TMEM63C: variants seen among roughly 807,000 people sequenced by gnomAD.
TMEM63C encodes osmosensitive cation channel TMEM63C.
A neutral mutation model predicts 99.2 loss-of-function variants in TMEM63C; 32 were observed. That is an observed-to-expected ratio of 0.32 (90% CI 0.24 to 0.43). TMEM63C has a LOEUF of 0.43. TMEM63C is among the 20% of genes least tolerant of loss of function. The probability of loss-of-function intolerance (pLI) is 1.00; values close to 1 mark genes in which losing one functional copy is unlikely to be tolerated. For synonymous variants in TMEM63C, 376 were observed against 397.9 expected (o/e 0.94, Z 0.66); for missense variants, 826 against 1,053.0 (o/e 0.78, Z 2.98).
intron 21 of TMEM63C, 51 bp downstream of exon 21, chr14:77,249,509 T>A: frequency 6.3e-7 from 1 of 1,592,488 alleles, no homozygotes; most frequent in Non-Finnish European, 8.6e-7. Flanking sequence ...CCCACTGTTC[T>A]GTGAGTCCCT....
Position 77,188,670 on chromosome 14 carries a change from C to T in TMEM63C, c.-77+6776C>T, listed in dbSNP as rs188868324. 6.4e-3 allele frequency among the ~76,000 whole-genome samples: 979 copies of T among 151,974 alleles called. 17 individuals are homozygous for T. The highest frequency in any genetic ancestry group is 0.026 in the Admixed American group (390 of 15,262). On this transcript the variant is annotated intron_variant, in intron 1 of 23. Transcript: ENST00000298351. ...ATTGCTTGAGCCCAGGAGTTTAAGACCAGCCTGGGCAACATAGCAAGACCC... is the reference window on the plus strand; with the variant it reads ...ATTGCTTGAGCCCAGGAGTTTAAGATCAGCCTGGGCAACATAGCAAGACCC...
At chr14:77,225,395 T>A (rs1395282159) in intron 5 of TMEM63C, 29 bp from the exon 6 acceptor site, 1 of 1,611,688 alleles carries the variant, frequency 6.2e-7, no homozygotes, top group Admixed American at 1.7e-5. Context: ...GACCTGGGTT[T>A]TCTCACAGTT....
intron 18 of TMEM63C, among the ~76,000 whole-genome samples, chr14:77,248,111 T>C (rs1397929507): frequency 2.6e-5 from 4 of 152,176 alleles, no homozygotes; most frequent in Admixed American, 2.6e-4. Flanking sequence ...CTTTATGTGG[T>C]CCCTGCCCCT....
chr14:77,236,831 A>G, intron 9 of TMEM63C, 99 bp downstream of exon 9: 2 of 815,218 alleles, frequency 2.5e-6, no homozygotes. Flanking sequence ...CAGAGGGTCC[A>G]GGGAGACTGT....
intron 1 of TMEM63C, among the ~76,000 whole-genome samples, chr14:77,198,456 G>T (rs1888245658): frequency 6.6e-6 from 1 of 152,250 alleles, no homozygotes; most frequent in African/African-American, 2.4e-5. Context: ...TCCCGTCTGT[G>T]AAATGCGGAG....
chr14:77,251,928 T>C (rs1161364328), intron 22 of TMEM63C, 30 bp downstream of exon 22: 2 of 1,545,448 alleles, frequency 1.3e-6, no homozygotes, highest in East Asian at 4.5e-5. Context: ...CTCCTCCTGG[T>C]TCTCTTGGTC....
At chr14:77,227,612 A>G (rs575487524) in intron 6 of TMEM63C, among the ~76,000 whole-genome samples, 5 of 152,330 alleles carry the variant, frequency 3.3e-5, no homozygotes, top group Admixed American at 1.3e-4. Context: ...TAAGACCAGA[A>G]GCGGCCCAAG....
chr14:77,231,257 G>A (rs1344457514), intron 6 of TMEM63C, among the ~76,000 whole-genome samples: 1 of 152,140 alleles, frequency 6.6e-6, no homozygotes, highest in African/African-American at 2.4e-5. Flanking sequence ...CTGCACCATA[G>A]CAACCACTCA....
intron 1 of TMEM63C, among the ~76,000 whole-genome samples, chr14:77,209,037 C>T (rs916188487): frequency 4.6e-5 from 7 of 152,090 alleles, no homozygotes; most frequent in Admixed American, 2.6e-4. Context: ...GGGGACCTCT[C>T]GGGGAAGGCT....
In TMEM63C at chr14:77,236,681, C is replaced by T; in HGVS notation, c.600C>T (p.Phe200=). 6.2e-7 allele frequency: 1 copy of T among 1,612,906 alleles called. No individual in the cohort carries two copies. Among genetic ancestry groups the T allele is most frequent in the Non-Finnish European group, 8.5e-7 (1 of 1,179,390 alleles). Residue 200 remains phenylalanine (F), a synonymous_variant, in exon 9 of 24, where the codon TTC becomes TTT. Transcript: ENST00000298351. ...CCTTCTTCTACTTCATCACCAACTT[C>T]ATGTTCATGGCTCATCACTGCCTGG... ...LLSFFYFITN[F]MFMAHHCLGF...
rs1472659308 is a variant in TMEM63C at position 77,236,647 on chromosome 14, G to A, written c.566G>A (p.Ser189Asn). The A allele has an allele frequency of 6.2e-7, 1 of 1,612,668 alleles. No individual in the cohort carries two copies. Among genetic ancestry groups the A allele is most frequent in the South Asian group, 1.1e-5 (1 of 91,056 alleles). The part of the protein sequence containing the change: ...STESKLLWLH[S>N]LLSFFYFITN... ...AGGAGCAAGCTCCTGTGGCTGCATA[G>A]CCTGCTGTCCTTCTTCTACTTCATC... is the stretch of plus-strand genomic sequence containing the variant. The change falls in exon 9 of 24, where the codon AGC (serine) becomes AAC (asparagine). Residue 189 changes from serine to asparagine, a missense_variant. Ser to Asn is a conservative substitution (Grantham distance 46, BLOSUM62 1). Transcript: ENST00000298351.
Position 77,253,341 on chromosome 14 carries a change from G to C in TMEM63C, c.2185G>C (p.Glu729Gln), listed in dbSNP as rs759754788. The C allele has an allele frequency of 1.2e-6, 2 of 1,613,100 alleles. No individual in the cohort carries two copies. The highest frequency in any genetic ancestry group is 1.7e-6 in the Non-Finnish European group (2 of 1,179,674). ...GGAGATCCAGACAGTGTTTGACATGGAGCCAAGCAGCACCTCCTCCACGCC... is the reference window on the plus strand; with the variant it reads ...GGAGATCCAGACAGTGTTTGACATGCAGCCAAGCAGCACCTCCTCCACGCC... ...EEEIQTVFDM[E>Q]PSSTSSTPTS... is the part of the protein sequence containing the mutation. Residue 729 changes from glutamate to glutamine, a missense_variant, in exon 23 of 24, where the codon GAG (glutamate) becomes CAG (glutamine). By Grantham distance (29) the Glu-to-Gln change is conservative (BLOSUM62 2). Transcript: ENST00000298351.
intron 21 of TMEM63C, 110 bp downstream of exon 21, chr14:77,249,568 G>T: frequency 7.8e-7 from 1 of 1,277,506 alleles, no homozygotes; most frequent in South Asian, 1.4e-5. Flanking sequence ...GCAAGACGCT[G>T]CTCACCAGAC....
intron 10 of TMEM63C, among the ~76,000 whole-genome samples, chr14:77,239,024 T>G (rs775402050): frequency 3.3e-5 from 5 of 152,202 alleles, no homozygotes; most frequent in Non-Finnish European, 5.9e-5. Context: ...TCCTGTTGCT[T>G]CAACTACTGA....
intron 8 of TMEM63C, among the ~76,000 whole-genome samples, chr14:77,235,161 C>T (rs1178467761): frequency 2.0e-5 from 3 of 151,936 alleles, no homozygotes; most frequent in Non-Finnish European, 4.4e-5. Context: ...AACGTTCCCC[C>T]CATGAGCTGG....
chr14:77,191,538 C>CTTTTTT (rs71125542), intron 1 of TMEM63C, among the ~76,000 whole-genome samples: 460 of 82,638 alleles, frequency 5.6e-3, no homozygotes, highest in South Asian at 9.7e-3. Context: ...TTTTCTTTTT[C>CTTTTTT]TTTTTTTTTT....
intron 1 of TMEM63C, among the ~76,000 whole-genome samples, chr14:77,182,194 T>A (rs1014553343): frequency 2.6e-5 from 4 of 151,802 alleles, no homozygotes; most frequent in African/African-American, 9.7e-5. Flanking sequence ...GAGGTTTGCT[T>A]GGGGGGTCCC....
intron 14 of TMEM63C, 118 bp from the exon 15 acceptor site, chr14:77,242,785 C>T: frequency 8.1e-7 from 1 of 1,239,988 alleles, no homozygotes. Context: ...CAAGTCTGGG[C>T]CCAGGAGGCT....
At chr14:77,218,311 G>A (rs907250943) in intron 2 of TMEM63C, among the ~76,000 whole-genome samples, 2 of 151,824 alleles carry the variant, frequency 1.3e-5, no homozygotes, top group Non-Finnish European at 2.9e-5. Context: ...CCCTTACCAT[G>A]GCTGGATGGT....
Sources: allele counts gnomAD v4.1 joint callset (sites outside exome capture counted in the v4.1 genomes callset), GRCh38; gene constraint gnomAD v4.1.1; transcripts MANE v1.5; gene names NCBI Gene and HGNC (gene_info 2026-07-23, HGNC 2026-07-21).